The following THAP8 variants were observed in gnomAD, a reference collection of about 807,000 sequenced individuals.
The protein encoded by THAP8 is THAP domain containing 8.
In THAP8, 24 loss-of-function variants were observed where a neutral mutation model predicts 25.0. The observed-to-expected ratio is 0.96, with a 90% CI of 0.69 to 1.35. THAP8 has a LOEUF of 1.35. Ranked by LOEUF, THAP8 falls within the 40% of genes most tolerant of loss-of-function variation. THAP8 has a pLI of 0.00. For synonymous variants in THAP8, 169 were observed against 157.6 expected (o/e 1.07, Z -0.54); for missense variants, 399 against 368.8 (o/e 1.08, Z -0.67).
chr19:36,040,493 A>ATTTTTTT, intron 1 of THAP8, among the ~76,000 whole-genome samples: 1 of 152,080 alleles, frequency 6.6e-6, no homozygotes, highest in Admixed American at 6.5e-5. Context: ...CGCCCGGCTA[A>ATTTTTTT]TTTTTGTATT....
intron 1 of THAP8, 113 bp downstream of exon 1, chr19:36,054,022 A>C: frequency 8.2e-7 from 1 of 1,213,962 alleles, no homozygotes; most frequent in Non-Finnish European, 1.2e-6. Flanking sequence ...GTTTAACCCC[A>C]CTTCCTAACA....
At chr19:36,041,193 T>TC (rs1324149532) in intron 1 of THAP8, among the ~76,000 whole-genome samples, 5 of 151,448 alleles carry the variant, frequency 3.3e-5, no homozygotes. Flanking sequence ...ATGCCTGTAG[T>TC]CCCAGCTACT....
At chr19:36,037,636 G>T (rs1279780400) in intron 3 of THAP8, among the ~76,000 whole-genome samples, 1 of 151,986 alleles carries the variant, frequency 6.6e-6, no homozygotes, top group African/African-American at 2.4e-5. Context: ...ATTATAATGA[G>T]GTTTTTTTTG....
At chr19:36,041,335 T>C (rs1254130621) in intron 1 of THAP8, among the ~76,000 whole-genome samples, 3 of 151,754 alleles carry the variant, frequency 2.0e-5, no homozygotes, top group Non-Finnish European at 2.9e-5. Flanking sequence ...AAAAAATTCA[T>C]TTTGCTAGGT....
At chr19:36,052,471 G>T (rs190286026) in intron 1 of THAP8, among the ~76,000 whole-genome samples, 29 of 152,340 alleles carry the variant, frequency 1.9e-4, no homozygotes, top group Admixed American at 2.0e-4. Context: ...GTGCCATAAG[G>T]GTTGGGGACC....
At chr19:36,050,925 C>G (rs1970038633) in intron 1 of THAP8, among the ~76,000 whole-genome samples, 1 of 152,130 alleles carries the variant, frequency 6.6e-6, no homozygotes, top group Non-Finnish European at 1.5e-5. Context: ...TACTAAGAAC[C>G]TACTATGTGC....
At chr19:36,037,343 TACACACACACACACAC>T (rs58349186) in intron 3 of THAP8, among the ~76,000 whole-genome samples, 3 of 114,760 alleles carry the variant, frequency 2.6e-5, no homozygotes, top group Non-Finnish European at 3.7e-5. Flanking sequence ...ATTCCTCCCC[TACACACACACACACAC>T]ACACACACAC....
chr19:36,049,998 G>A lies in THAP8; in HGVS notation c.83+4137C>T, dbSNP rs527682191. 1.2e-4 allele frequency among the ~76,000 whole-genome samples: 18 copies of A among 148,802 alleles called. No individual in the cohort carries two copies. The South Asian group carries it at 3.2e-3, about 26-fold the overall frequency. Reference sequence around the variant, plus strand: ...GAACCTGGGAGGCAGAGGTTGCAGTGAGCCGAGATCATACCACTGCACTCC... The same window carrying A: ...GAACCTGGGAGGCAGAGGTTGCAGTAAGCCGAGATCATACCACTGCACTCC... On this transcript the variant is annotated intron_variant, in intron 1 of 3. Transcript: ENST00000292894.
At chr19:36,052,709 T>G (rs1271828440) in intron 1 of THAP8, among the ~76,000 whole-genome samples, 2 of 152,208 alleles carry the variant, frequency 1.3e-5, no homozygotes, top group Admixed American at 6.5e-5. Flanking sequence ...TATCTGAAGC[T>G]CCAAACCTGG....
rs115233396 is a variant in THAP8 at position 36,046,458 on chromosome 19, C to T, written c.84-6322G>A. 8.1e-3 allele frequency among the ~76,000 whole-genome samples: 1,234 copies of T among 152,146 alleles called. 15 individuals are homozygous for T. Among genetic ancestry groups the T allele is most frequent in the African/African-American group, 0.028 (1,173 of 41,498 alleles). The stretch of plus-strand genomic sequence containing the variant: ...GTGGGGAGGAGGTGGATGGGATGAA[C>T]GGAGATGGGGAGAGCCAAGACTTCT... On this transcript the variant is annotated intron_variant, in intron 1 of 3. Coordinates refer to ENST00000292894, the MANE Select transcript of THAP8 (RefSeq NM_152658.3).
intron 1 of THAP8, among the ~76,000 whole-genome samples, chr19:36,050,368 T>C (rs1032764259): frequency 6.6e-6 from 1 of 152,196 alleles, no homozygotes; most frequent in Non-Finnish European, 1.5e-5. Flanking sequence ...GGTCTCAAAT[T>C]GCTGGGCTCA....
chr19:36,048,350 C>T (rs1969943093), intron 1 of THAP8, among the ~76,000 whole-genome samples: 2 of 149,930 alleles, frequency 1.3e-5, no homozygotes, highest in Admixed American at 1.3e-4. Flanking sequence ...GCCTGGGCAA[C>T]ATAGTGGGAC....
At chr19:36,042,544 C>T (rs4805155) in intron 1 of THAP8, among the ~76,000 whole-genome samples, 72,410 of 151,904 alleles carry the variant, frequency 0.48, 18,089 homozygotes, top group African/African-American at 0.62. Context: ...GGTGGGAGGA[C>T]TGCTTGAGCC....
At position 36,035,378 on chromosome 19, in the gene THAP8, G is replaced by T. The variant is rs1038133493; in HGVS notation, c.*62C>A. The T allele has an allele frequency of 3.9e-5, 58 of 1,477,182 alleles. No individual in the cohort carries two copies. In the African/African-American group the frequency reaches 7.2e-4, roughly 18 times the overall value. 91.5% of individuals were successfully genotyped at this position (1,477,182 alleles called of 1,614,324 possible). Reference sequence around the variant, plus strand: ...GGCGGTGGGGCTGGGCCAAGCCCACGTATAATGTCTTTCCTCCTCCATCTT... The same window carrying T: ...GGCGGTGGGGCTGGGCCAAGCCCACTTATAATGTCTTTCCTCCTCCATCTT... On this transcript the variant is annotated 3_prime_UTR_variant, in exon 4 of 4. Coordinates refer to ENST00000292894, the MANE Select transcript of THAP8 (RefSeq NM_152658.3).
intron 3 of THAP8, among the ~76,000 whole-genome samples, chr19:36,036,032 T>C (rs1969429152): frequency 6.6e-6 from 1 of 151,684 alleles, no homozygotes; most frequent in South Asian, 2.1e-4. Context: ...AGACAGAGAT[T>C]GAATGACAGG....
chr19:36,043,256 C>T (rs1969761898), intron 1 of THAP8, among the ~76,000 whole-genome samples: 8 of 152,082 alleles, frequency 5.3e-5, no homozygotes, highest in Admixed American at 4.6e-4. Context: ...TGATCTGACA[C>T]ATGCAACAAC....
At chr19:36,047,214 CTAGAAGTCCTTTT>C (rs1969909155) in intron 1 of THAP8, among the ~76,000 whole-genome samples, 2 of 152,252 alleles carry the variant, frequency 1.3e-5, no homozygotes, top group South Asian at 4.1e-4. Flanking sequence ...GCATATACTG[CTAGAAGTCCTTTT>C]TTTCTTTCTT....
chr19:36,054,355 G>A, upstream of THAP8: 1 of 1,025,404 alleles, frequency 9.8e-7, no homozygotes, highest in Non-Finnish European at 1.4e-6. Flanking sequence ...GTACCGGGGA[G>A]AGAGCTGAGA....
At chr19:36,043,501 TTAA>T (rs1348677342) in intron 1 of THAP8, among the ~76,000 whole-genome samples, 2 of 152,170 alleles carry the variant, frequency 1.3e-5, no homozygotes, top group Admixed American at 6.6e-5. Context: ...AATTGTACAC[TTAA>T]TGATCAAAAT....
Sources: allele counts gnomAD v4.1 joint callset (sites outside exome capture counted in the v4.1 genomes callset), GRCh38; gene constraint gnomAD v4.1.1; transcripts MANE v1.5; gene names NCBI Gene and HGNC (gene_info 2026-07-23, HGNC 2026-07-21).